CNTN5: variants seen among roughly 807,000 people sequenced by gnomAD.
CNTN5 encodes contactin-5.
CNTN5 carries 77 observed loss-of-function variants against 129.1 expected under a neutral mutation model. The observed-to-expected ratio is 0.60, with a 90% CI of 0.50 to 0.72. The LOEUF (loss-of-function observed/expected upper bound fraction) is 0.72, where lower values mean the gene tolerates loss of function less well. Among genes scored for constraint, CNTN5 ranks in the 30% least tolerant of loss-of-function variants. The pLI, the probability that CNTN5 is intolerant of heterozygous loss-of-function variation, is 0.00. For synonymous variants in CNTN5, 509 were observed against 465.6 expected (o/e 1.09, Z -1.20); for missense variants, 1,478 against 1,328.8 (o/e 1.11, Z -1.75).
At chr11:99,126,579 T>C (rs1466884730) in intron 1 of CNTN5, among the ~76,000 whole-genome samples, 1 of 152,140 alleles carries the variant, frequency 6.6e-6, no homozygotes, top group East Asian at 1.9e-4. Flanking sequence ...AAGAGCGTAA[T>C]GATAAAAATG....
intron 3 of CNTN5, among the ~76,000 whole-genome samples, chr11:99,620,089 ATTAC>A (rs1950892569): frequency 6.6e-6 from 1 of 151,598 alleles, no homozygotes; most frequent in Admixed American, 6.6e-5. Flanking sequence ...TTAATCTATA[ATTAC>A]TTTTCATTAA....
chr11:99,659,581 G>A (rs1288891921), intron 3 of CNTN5, among the ~76,000 whole-genome samples: 3 of 152,146 alleles, frequency 2.0e-5, no homozygotes, highest in Admixed American at 2.0e-4. Context: ...TCCAAAATCT[G>A]TGGAGTAGGC....
At chr11:99,096,726 T>C (rs1866482544) in intron 1 of CNTN5, among the ~76,000 whole-genome samples, 1 of 151,852 alleles carries the variant, frequency 6.6e-6, no homozygotes, top group Non-Finnish European at 1.5e-5. Context: ...ACAAAAGCAT[T>C]CCAATTTTTT....
At chr11:99,101,498 T>C (rs1005230057) in intron 1 of CNTN5, among the ~76,000 whole-genome samples, 7 of 152,200 alleles carry the variant, frequency 4.6e-5, no homozygotes, top group Admixed American at 1.3e-4. Context: ...GCAAGTTAGT[T>C]ACTTCCTAGA....
At chr11:99,371,218 G>T (rs1444499502) in intron 2 of CNTN5, among the ~76,000 whole-genome samples, 1 of 152,092 alleles carries the variant, frequency 6.6e-6, no homozygotes, top group Non-Finnish European at 1.5e-5. Flanking sequence ...ATATTTTAAA[G>T]TAGGTATCAT....
chr11:99,103,755 G>T (rs559549190), intron 1 of CNTN5, among the ~76,000 whole-genome samples: 20 of 146,182 alleles, frequency 1.4e-4, no homozygotes, highest in Non-Finnish European at 2.6e-4. Context: ...TCTAATGATA[G>T]GTGTCCTTCA....
At position 100,271,119 on chromosome 11, in the gene CNTN5, A is replaced by T; in HGVS notation, c.2192A>T (p.Glu731Val). The change falls in exon 18 of 25, where the codon GAG becomes GTG. Residue 731 changes from glutamate to valine, a missense_variant. Coordinates refer to ENST00000524871, the MANE Select transcript of CNTN5 (RefSeq NM_014361.4). Reference sequence around the variant, plus strand: ...CCAGAAATCATAACAGGGGACATGGAGTCAGCCATGGCTGTGGACCTAAAT... The same window carrying T: ...CCAGAAATCATAACAGGGGACATGGTGTCAGCCATGGCTGTGGACCTAAAT... The part of the protein sequence containing the change: ...TVPEIITGDM[E>V]SAMAVDLNPW... 6.2e-7 allele frequency: 1 copy of T among 1,611,522 alleles called. No homozygotes were observed. Among genetic ancestry groups the T allele is most frequent in the Non-Finnish European group, 8.5e-7 (1 of 1,178,962 alleles).
At chr11:99,470,492 T>A (rs1196545906) in intron 2 of CNTN5, among the ~76,000 whole-genome samples, 1 of 152,160 alleles carries the variant, frequency 6.6e-6, no homozygotes, top group Non-Finnish European at 1.5e-5. Context: ...ATGAAATAAG[T>A]CTTCAATTTA....
At position 99,248,659 on chromosome 11, in the gene CNTN5, A is replaced by G. The variant is rs190181857; in HGVS notation, c.-209-76687A>G. Among the ~76,000 whole-genome samples the G allele has an allele frequency of 5.7e-3, 863 of 152,248 alleles. 6 individuals carry two copies. The highest frequency in any genetic ancestry group is 7.7e-3 in the Non-Finnish European group (521 of 68,016). On this transcript the variant is annotated intron_variant, in intron 1 of 24. Coordinates refer to ENST00000524871, the MANE Select transcript of CNTN5 (RefSeq NM_014361.4). ...TTTGTATAAGAAATGTAAGGAAGGG[A>G]TCCAGTTTCAGCTTTTTACATATGG...
At chr11:100,332,979 A>C (rs1591521428) in intron 21 of CNTN5, among the ~76,000 whole-genome samples, 1 of 152,270 alleles carries the variant, frequency 6.6e-6, no homozygotes, top group African/African-American at 2.4e-5. Context: ...AAGGGCATCC[A>C]AATTGGTAAG....
At chr11:99,088,193 C>T (rs1334406083) in intron 1 of CNTN5, among the ~76,000 whole-genome samples, 1 of 152,102 alleles carries the variant, frequency 6.6e-6, no homozygotes, top group African/African-American at 2.4e-5. Flanking sequence ...TGTCTTTTTT[C>T]TATGTTCTCC....
chr11:99,503,215 T>C (rs185560588), intron 2 of CNTN5, among the ~76,000 whole-genome samples: 1 of 152,300 alleles, frequency 6.6e-6, no homozygotes, highest in Admixed American at 6.5e-5. Context: ...ATGTGTTTTG[T>C]CATTCCATGC....
At chr11:100,346,909 C>T (rs1476783209) in intron 23 of CNTN5, among the ~76,000 whole-genome samples, 2 of 152,122 alleles carry the variant, frequency 1.3e-5, no homozygotes, top group Admixed American at 6.6e-5. Context: ...AAAGGAACGT[C>T]TCACATGGCA....
At chr11:99,551,689 G>A (rs935019711) in intron 2 of CNTN5, among the ~76,000 whole-genome samples, 1 of 152,070 alleles carries the variant, frequency 6.6e-6, no homozygotes, top group African/African-American at 2.4e-5. Flanking sequence ...CTGTAATATA[G>A]TCTATTGCTT....
At chr11:99,291,816 G>A (rs545257210) in intron 1 of CNTN5, among the ~76,000 whole-genome samples, 2 of 152,044 alleles carry the variant, frequency 1.3e-5, no homozygotes, top group African/African-American at 2.4e-5. Context: ...GTCTAACAAC[G>A]CCTTTTATTG....
intron 15 of CNTN5, among the ~76,000 whole-genome samples, chr11:100,215,888 T>C (rs1273401308): frequency 2.0e-5 from 3 of 152,100 alleles, no homozygotes; most frequent in South Asian, 4.2e-4. Flanking sequence ...GAAATGGAAG[T>C]AGAATGAACA....
At chr11:99,990,465 C>T (rs1264276548) in intron 8 of CNTN5, among the ~76,000 whole-genome samples, 75 of 151,248 alleles carry the variant, frequency 5.0e-4, no homozygotes, top group Non-Finnish European at 3.7e-4. Context: ...TACACACACA[C>T]ACACACACAC....
intron 1 of CNTN5, among the ~76,000 whole-genome samples, chr11:99,223,353 T>C (rs551498086): frequency 6.6e-6 from 1 of 152,290 alleles, no homozygotes; most frequent in South Asian, 2.1e-4. Context: ...AGTTCTTACT[T>C]TGTGCTAACA....
Position 99,791,184 on chromosome 11 carries a change from T to C in CNTN5, c.56-28360T>C, listed in dbSNP as rs545174129. Among the ~76,000 whole-genome samples the C allele has an allele frequency of 1.3e-4, 20 of 152,202 alleles. No homozygotes were observed. The South Asian group carries it at 3.9e-3, about 30-fold the overall frequency. ...TATAAATTTTTGCTTTTGTTGCAAT[T>C]GATTTTGGGGGTCTTAGTCATGAAC... On this transcript the variant is annotated intron_variant, in intron 3 of 24. Coordinates refer to ENST00000524871, the MANE Select transcript of CNTN5 (RefSeq NM_014361.4).
Sources: gnomAD v4.1 joint callset for allele counts (sites outside exome capture counted in the v4.1 genomes callset) on GRCh38, gnomAD v4.1.1 for gene constraint, MANE v1.5 for transcripts, NCBI Gene and HGNC (gene_info 2026-07-23, HGNC 2026-07-21) for gene names.